CCDC126: variants seen among roughly 807,000 people sequenced by gnomAD.
CCDC126 encodes the protein coiled-coil domain-containing protein 126.
In CCDC126, 5 loss-of-function variants were observed where a neutral mutation model predicts 11.7. That is an observed-to-expected ratio of 0.43 (90% CI 0.22 to 0.90). The LOEUF (loss-of-function observed/expected upper bound fraction) is 0.90. Ranked by LOEUF, CCDC126 falls within the 40% of genes least tolerant of loss-of-function variation. The pLI, the probability that CCDC126 is intolerant of heterozygous loss-of-function variation, is 0.27. For missense variants in CCDC126, 150 were observed against 163.1 expected, an observed-to-expected ratio of 0.92 and a Z score of 0.44; for synonymous variants, 60 against 61.9, an observed-to-expected ratio of 0.97 and a Z score of 0.14.
Position 23,611,566 on chromosome 7 carries a change from T to C in CCDC126, c.238+13T>C. The C allele has an allele frequency of 6.4e-7, 1 of 1,558,282 alleles. No homozygotes were observed. Among genetic ancestry groups the C allele is most frequent in the Non-Finnish European group, 8.8e-7 (1 of 1,129,982 alleles). ...ATGGCAGGATATGGTAAGATAACCG[T>C]AGAATATTTCTAGTTTCCTCCAATC... On this transcript the variant is annotated intron_variant, in intron 3 of 3. Transcript: ENST00000307471.
intron 2 of CCDC126, among the ~76,000 whole-genome samples, chr7:23,607,657 T>C (rs943601437): frequency 8.5e-5 from 13 of 152,230 alleles, no homozygotes; most frequent in African/African-American, 3.1e-4. Flanking sequence ...TGTATTCATA[T>C]TGGCCCCGGA....
intron 2 of CCDC126, among the ~76,000 whole-genome samples, chr7:23,605,023 TAG>T (rs1782599394): frequency 6.8e-6 from 1 of 148,012 alleles, no homozygotes; most frequent in South Asian, 2.1e-4. Context: ...AAGAAAATGA[TAG>T]AGAGTACCTT....
intron 3 of CCDC126, among the ~76,000 whole-genome samples, chr7:23,628,641 C>T (rs1433500118): frequency 1.3e-5 from 2 of 152,154 alleles, no homozygotes; most frequent in African/African-American, 4.8e-5. Context: ...AAATGTCACC[C>T]CTGCCAGCCA....
intron 3 of CCDC126, among the ~76,000 whole-genome samples, chr7:23,625,859 G>C (rs1039112856): frequency 1.3e-5 from 2 of 151,454 alleles, no homozygotes; most frequent in African/African-American, 4.8e-5. Context: ...GGGTTTCACT[G>C]TGTTAGCCAG....
At chr7:23,637,749 GT>G (rs1340505018) in intron 3 of CCDC126, among the ~76,000 whole-genome samples, 2 of 70,190 alleles carry the variant, frequency 2.8e-5, no homozygotes, top group Non-Finnish European at 6.3e-5. Flanking sequence ...CGTCCGGGAG[GT>G]GAGGGGCGCC....
intron 3 of CCDC126, among the ~76,000 whole-genome samples, chr7:23,625,579 A>G (rs1241775059): frequency 6.6e-6 from 1 of 150,386 alleles, no homozygotes; most frequent in African/African-American, 2.5e-5. Context: ...TCTTGTACAT[A>G]TGAGAATGTG....
intron 3 of CCDC126, among the ~76,000 whole-genome samples, chr7:23,615,244 C>G (rs1782776744): frequency 6.6e-6 from 1 of 152,208 alleles, no homozygotes; most frequent in Non-Finnish European, 1.5e-5. Context: ...ATGGAAATGG[C>G]TTTTTCCTTA....
intron 3 of CCDC126, among the ~76,000 whole-genome samples, chr7:23,629,592 CAA>C (rs34772402): frequency 7.2e-6 from 1 of 139,706 alleles, no homozygotes. Flanking sequence ...AAGACACCTT[CAA>C]AAAAAAAAAT....
intron 3 of CCDC126, among the ~76,000 whole-genome samples, chr7:23,632,720 C>T (rs1238838383): frequency 6.6e-6 from 1 of 152,092 alleles, no homozygotes; most frequent in African/African-American, 2.4e-5. Context: ...GTTAATTTAA[C>T]AATTAAGGAA....
chr7:23,609,344 C>T lies in CCDC126; in HGVS notation c.-145-1827C>T, dbSNP rs145354311. On this transcript the variant is annotated intron_variant, in intron 2 of 3. Transcript: ENST00000307471. The stretch of plus-strand genomic sequence containing the variant: ...GATTACAAGCATGCGCCACCACGTC[C>T]GGCTAATTTTGTATTTTTAGTAGAG... Among the ~76,000 whole-genome samples the T allele has an allele frequency of 3.6e-3, 550 of 152,070 alleles. 8 individuals are homozygous for T. The highest frequency in any genetic ancestry group is 0.012 in the African/African-American group (506 of 41,482).
chr7:23,639,309 A>G (rs1436939219), intron 3 of CCDC126, among the ~76,000 whole-genome samples: 5 of 150,560 alleles, frequency 3.3e-5, no homozygotes, highest in Admixed American at 1.3e-4. Flanking sequence ...CTTCTGCTTC[A>G]GCCTCCCGAG....
At chr7:23,635,825 G>A (rs1783198910) in intron 3 of CCDC126, among the ~76,000 whole-genome samples, 1 of 151,916 alleles carries the variant, frequency 6.6e-6, no homozygotes, top group Non-Finnish European at 1.5e-5. Flanking sequence ...AACCTTCTAG[G>A]CTTTTAGCTT....
At chr7:23,631,618 G>T (rs774261172) in intron 3 of CCDC126, among the ~76,000 whole-genome samples, 1 of 151,942 alleles carries the variant, frequency 6.6e-6, no homozygotes, top group Non-Finnish European at 1.5e-5. Context: ...AAAATTAGCC[G>T]GGCGTGGTGG....
intron 3 of CCDC126, among the ~76,000 whole-genome samples, chr7:23,632,589 T>G (rs556282329): frequency 6.6e-6 from 1 of 152,376 alleles, no homozygotes; most frequent in Admixed American, 6.5e-5. Context: ...CTTGTTGTGA[T>G]ATTGTATACA....
rs79315404 is a variant in CCDC126, at chr7:23,610,281, G to A, written c.-145-890G>A. Among the ~76,000 whole-genome samples the A allele has an allele frequency of 3.1e-3, 472 of 152,296 alleles. 1 individual carries two copies. The highest frequency in any genetic ancestry group is 4.4e-3 in the Non-Finnish European group (301 of 68,028). On this transcript the variant is annotated intron_variant, in intron 2 of 3. Coordinates refer to ENST00000307471, the MANE Select transcript of CCDC126 (RefSeq NM_138771.4). ...GGCTGGAGTACAGTGGAATGATCATGGCTCACTGTACCCTTAACCTCTCAG... is the reference window on the plus strand; with the variant it reads ...GGCTGGAGTACAGTGGAATGATCATAGCTCACTGTACCCTTAACCTCTCAG...
chr7:23,641,421 T>C (rs1470763946), intron 3 of CCDC126, among the ~76,000 whole-genome samples: 1 of 152,240 alleles, frequency 6.6e-6, no homozygotes, highest in Non-Finnish European at 1.5e-5. Context: ...ATCAAATTTA[T>C]GGTTTGCAAA....
At chr7:23,619,480 C>T in intron 3 of CCDC126, 3 of 383,464 alleles carry the variant, frequency 7.8e-6, no homozygotes, top group South Asian at 2.4e-5. Context: ...AGAAGTTCCC[C>T]AACACCCTTC....
intron 3 of CCDC126, among the ~76,000 whole-genome samples, chr7:23,619,066 CATTT>C (rs1433899545): frequency 3.3e-5 from 5 of 152,158 alleles, no homozygotes; most frequent in African/African-American, 1.2e-4. Context: ...TCACTACCTT[CATTT>C]ACTCTTCCAG....
At chr7:23,618,050 A>G (rs1223307530) in intron 3 of CCDC126, among the ~76,000 whole-genome samples, 1 of 152,206 alleles carries the variant, frequency 6.6e-6, no homozygotes, top group African/African-American at 2.4e-5. Context: ...CGCATAGGAC[A>G]AGGTCTGGGA....
Sources: gnomAD v4.1 joint callset for allele counts (sites outside exome capture counted in the v4.1 genomes callset) on GRCh38, gnomAD v4.1.1 for gene constraint, MANE v1.5 for transcripts, NCBI Gene and HGNC (gene_info 2026-07-23, HGNC 2026-07-21) for gene names.